The following ATP7A variants were observed in gnomAD, a reference collection of about 807,000 sequenced individuals.
ATP7A encodes the protein ATPase copper transporting alpha, also known as copper-transporting ATPase 1.
ATP7A carries 7 observed loss-of-function variants against 83.5 expected under a neutral mutation model. The observed-to-expected ratio is 0.08, with a 90% CI of 0.05 to 0.16. ATP7A has a LOEUF of 0.16. Among genes scored for constraint, ATP7A ranks in the 10% least tolerant of loss-of-function variants. The probability of loss-of-function intolerance (pLI) is 1.00; values close to 1 mark genes in which losing one functional copy is unlikely to be tolerated. For synonymous variants in ATP7A, 354 were observed against 395.2 expected (o/e 0.90, Z 1.24); for missense variants, 940 against 1,120.8 (o/e 0.84, Z 2.30).
intron 1 of ATP7A, among the ~76,000 whole-genome samples, chrX:77,961,582 TAAG>T (rs782087354): frequency 1.2e-3 from 129 of 112,002 alleles, no homozygotes; most frequent in Middle Eastern, 9.1e-3. Context: ...GCCAAAGCTA[TAAG>T]AAGAATAAGG....
intron 1 of ATP7A, among the ~76,000 whole-genome samples, chrX:77,930,771 A>G (rs1166837587): frequency 1.8e-5 from 2 of 110,973 alleles, no homozygotes; most frequent in Non-Finnish European, 3.8e-5. Context: ...GCTGATGGTA[A>G]GCTCTGGTAA....
At chrX:78,039,563 A>G (rs2078034478) in intron 18 of ATP7A, among the ~76,000 whole-genome samples, 2 of 111,132 alleles carry the variant, frequency 1.8e-5, no homozygotes, top group South Asian at 7.6e-4. Flanking sequence ...TGAACTCCTG[A>G]CCTCAGGTGA....
chrX:77,983,732 ACT>A (rs1296263685), intron 2 of ATP7A, among the ~76,000 whole-genome samples: 1 of 108,833 alleles, frequency 9.2e-6, no homozygotes, highest in Non-Finnish European at 1.9e-5. Context: ...ACGGAGTTTC[ACT>A]CTCTTGTCCA....
chrX:77,982,875 A>C (rs2077612308), intron 2 of ATP7A, among the ~76,000 whole-genome samples: 1 of 111,902 alleles, frequency 8.9e-6, no homozygotes, highest in Non-Finnish European at 1.9e-5. Context: ...AAAATACCAT[A>C]AAGTGGGTGG....
At chrX:78,026,697 T>C (rs781978178) in intron 14 of ATP7A, among the ~76,000 whole-genome samples, 1 of 111,112 alleles carries the variant, frequency 9.0e-6, no homozygotes, top group Non-Finnish European at 1.9e-5. Flanking sequence ...ATAAAGCAAG[T>C]CTCAATAAAT....
intron 1 of ATP7A, among the ~76,000 whole-genome samples, chrX:77,929,363 T>G (rs1354328565): frequency 3.6e-5 from 4 of 111,846 alleles, no homozygotes; most frequent in Non-Finnish European, 5.6e-5. Context: ...CTCTAATGAC[T>G]ATTACTTTTC....
intron 1 of ATP7A, among the ~76,000 whole-genome samples, chrX:77,955,519 G>C (rs2077436396): frequency 9.0e-6 from 1 of 110,894 alleles, no homozygotes; most frequent in Non-Finnish European, 1.9e-5. Context: ...ATTATTTTGT[G>C]GCACATTATA....
At chrX:77,967,808 G>T (rs182460822) in intron 1 of ATP7A, among the ~76,000 whole-genome samples, 1 of 111,810 alleles carries the variant, frequency 8.9e-6, no homozygotes, top group African/African-American at 3.2e-5. Context: ...TGGTCTAATT[G>T]TTCAAAGCTC....
intron 1 of ATP7A, chrX:77,923,117 A>G (rs2077224094): frequency 8.9e-6 from 1 of 112,580 alleles, no homozygotes; most frequent in Non-Finnish European, 1.9e-5. Flanking sequence ...TTTTCAATGT[A>G]TATTGAATGA....
chrX:77,942,592 C>T (rs1035036569), intron 1 of ATP7A, among the ~76,000 whole-genome samples: 13 of 109,386 alleles, frequency 1.2e-4, no homozygotes, highest in African/African-American at 4.0e-4. Context: ...ACCACAGTCA[C>T]GTGCCACTAT....
intron 1 of ATP7A, among the ~76,000 whole-genome samples, chrX:77,945,194 TTGAGA>T (rs2077371875): frequency 9.1e-6 from 1 of 110,064 alleles, no homozygotes; most frequent in African/African-American, 3.3e-5. Context: ...TTTTGTTTTA[TTGAGA>T]TAAGATCTGA....
chrX:77,943,299 AAAG>A (rs1204857781), intron 1 of ATP7A, among the ~76,000 whole-genome samples: 1 of 112,497 alleles, frequency 8.9e-6, no homozygotes, highest in Non-Finnish European at 1.9e-5. Context: ...CCCAGCACTA[AAAG>A]AATTCCTTTT....
chrX:78,002,950 G>T, intron 5 of ATP7A, 123 bp from the exon 6 acceptor site: 1 of 761,168 alleles, frequency 1.3e-6, no homozygotes, highest in Non-Finnish European at 1.9e-6. Context: ...AATTTCTCCA[G>T]ATTCAAATCC....
intron 10 of ATP7A, 103 bp from the exon 11 acceptor site, chrX:78,014,559 A>G: frequency 3.4e-6 from 2 of 589,360 alleles, no homozygotes; most frequent in Non-Finnish European, 5.7e-6. Context: ...TAATATTCCT[A>G]AAGCTGTCTT....
At chrX:78,011,335 C>A in intron 8 of ATP7A, 83 bp downstream of exon 8, 1 of 1,061,922 alleles carries the variant, frequency 9.4e-7, no homozygotes, top group Non-Finnish European at 1.3e-6. Flanking sequence ...TTTATAATAT[C>A]ATCCTTATAC....
chrX:77,934,285 G>A (rs1557224847), intron 1 of ATP7A, among the ~76,000 whole-genome samples: 2 of 110,970 alleles, frequency 1.8e-5, no homozygotes, highest in African/African-American at 6.6e-5. Context: ...GGGCGTGGTG[G>A]CACACACCTG....
rs187117011 is a variant in ATP7A, at chrX:77,911,585, G to C, written c.-22+750G>C. Among the ~76,000 whole-genome samples the C allele has an allele frequency of 7.2e-3, 776 of 107,644 alleles. 6 individuals carry two copies. The highest frequency in any genetic ancestry group is 0.012 in the Non-Finnish European group (621 of 52,014). 93.5% of individuals were successfully genotyped at this position (107,644 alleles called of 115,157 possible). On this transcript the variant is annotated intron_variant, in intron 1 of 22. Coordinates refer to ENST00000341514, the MANE Select transcript of ATP7A (RefSeq NM_000052.7). The stretch of plus-strand genomic sequence containing the variant: ...TTTTTTTTTTTTTTTGCCGGGTGCG[G>C]GGGGGTGGTGGGGAGGGGGTGATGC...
At chrX:77,936,591 T>G (rs1557225052) in intron 1 of ATP7A, among the ~76,000 whole-genome samples, 1 of 111,977 alleles carries the variant, frequency 8.9e-6, no homozygotes, top group Non-Finnish European at 1.9e-5. Context: ...TGCTTATTAT[T>G]CTTAGCTTTG....
At chrX:78,034,293 C>T (rs971398645) in intron 17 of ATP7A, among the ~76,000 whole-genome samples, 51 of 111,261 alleles carry the variant, frequency 4.6e-4, no homozygotes, top group African/African-American at 1.7e-3. Context: ...TCAGGGACCT[C>T]CCTCTTTCTG....
Sources: gnomAD v4.1 joint callset for allele counts (sites outside exome capture counted in the v4.1 genomes callset) on GRCh38, gnomAD v4.1.1 for gene constraint, MANE v1.5 for transcripts, NCBI Gene and HGNC (gene_info 2026-07-23, HGNC 2026-07-21) for gene names.